RAD23B: variants seen among roughly 807,000 people sequenced by gnomAD.
The protein encoded by RAD23B is lysine-specific demethylase RAD23B.
Under a neutral mutation model 49.1 loss-of-function variants are expected in RAD23B, and 5 were observed. The ratio of observed to expected loss-of-function variants is 0.10; its 90% CI spans 0.05 to 0.21. The LOEUF (loss-of-function observed/expected upper bound fraction) is 0.21. RAD23B is among the 10% of genes least tolerant of loss of function. RAD23B has a pLI of 1.00. For missense variants in RAD23B, 356 were observed against 486.7 expected, an observed-to-expected ratio of 0.73 and a Z score of 2.53; for synonymous variants, 184 against 165.4, an observed-to-expected ratio of 1.11 and a Z score of -0.86.
In RAD23B at chr9:107,324,015, C is replaced by G. The variant is rs767388236; in HGVS notation, c.943C>G (p.Gln315Glu). 6.2e-7 allele frequency: 1 copy of G among 1,613,300 alleles called. No homozygotes were observed. Among genetic ancestry groups the G allele is most frequent in the Non-Finnish European group, 8.5e-7 (1 of 1,179,376 alleles). Residue 315 changes from glutamine to glutamate, a missense_variant and splice_region_variant, in exon 8 of 10, where the codon CAG (glutamine) becomes GAG (glutamate). By Grantham distance (29) the Gln-to-Glu change is conservative. Transcript: ENST00000358015. ...QIGRENPQLL[Q>E]QISQHQEHFI... is the part of the protein sequence containing the mutation. ...AGGTCGAGAGAATCCTCAATTACTT[C>G]AGGTGACTAATCAGTGTCAGTTTCA...
rs746491717 is a variant in RAD23B, at chr9:107,302,127, C to T, written c.228+13C>T. 2.5e-6 allele frequency: 4 copies of T among 1,611,078 alleles called. No homozygotes were observed. The highest frequency in any genetic ancestry group is 1.3e-5 in the African/African-American group (1 of 74,672). Reference sequence around the variant, plus strand: ...TATGGTGACCAAAGTAAGTTTCAACCTCATTCTGTATATCTTTATGCATGT... The same window carrying T: ...TATGGTGACCAAAGTAAGTTTCAACTTCATTCTGTATATCTTTATGCATGT... On this transcript the variant is annotated intron_variant, in intron 3 of 9. Transcript: ENST00000358015.
chr9:107,299,727 A>G lies in RAD23B; in HGVS notation c.67-414A>G, dbSNP rs759786579. Among the ~76,000 whole-genome samples, 8 of 152,352 alleles carry G rather than the reference A, an allele frequency of 5.3e-5. 1 individual carries two copies. The South Asian group carries it at 1.4e-3, about 28-fold the overall frequency. ...TAAAATGAATCATTTGCCTTTTAAC[A>G]TTCACAATTTAACCTTTAACATTGA... On this transcript the variant is annotated intron_variant, in intron 1 of 9. Transcript: ENST00000358015.
At position 107,283,349 on chromosome 9, in the gene RAD23B, C is replaced by T. The variant is rs1189070905; in HGVS notation, c.-281C>T. 12 of 420,020 alleles carry T rather than the reference C, an allele frequency of 2.9e-5. No homozygotes were observed. Among genetic ancestry groups the T allele is most frequent in the Non-Finnish European group, 5.0e-5 (12 of 241,070 alleles). The allele number at this position is 420,020 out of a possible 1,614,324, so 26.0% of individuals were successfully genotyped here. On this transcript the variant is annotated 5_prime_UTR_variant, in exon 1 of 10. Transcript: ENST00000358015. ...TCCCTGCTTGTCTCGCCGACCCCCT[C>T]GCGCCTTCTGCAGACTCCGTGGCTG...
chr9:107,313,660 T>C (rs1472227391), intron 5 of RAD23B, among the ~76,000 whole-genome samples: 1 of 152,240 alleles, frequency 6.6e-6, no homozygotes, highest in Non-Finnish European at 1.5e-5. Flanking sequence ...AAATTACAGC[T>C]GCAGTACAGA....
At position 107,324,971 on chromosome 9, in the gene RAD23B, A is replaced by G; in HGVS notation, c.1083A>G (p.Gln361=). ...GAAGTGGTCATATGAACTACATTCA[A>G]GTAACACCTCAGGAAAAAGAAGCTA... The part of the protein sequence containing the change: ...EAGSGHMNYI[Q]VTPQEKEAIE... Residue 361 remains glutamine (Q), a synonymous_variant, in exon 9 of 10, where the codon CAA becomes CAG. Coordinates refer to ENST00000358015, the MANE Select transcript of RAD23B (RefSeq NM_002874.5). The G allele has an allele frequency of 6.2e-7, 1 of 1,613,778 alleles. No individual in the cohort carries two copies.
At chr9:107,307,908 A>G (rs1318757107) in intron 4 of RAD23B, among the ~76,000 whole-genome samples, 3 of 152,200 alleles carry the variant, frequency 2.0e-5, no homozygotes, top group Non-Finnish European at 1.5e-5. Context: ...TCCCATGTAC[A>G]ACTAGAAATG....
intron 1 of RAD23B, among the ~76,000 whole-genome samples, chr9:107,298,812 CT>C (rs1554740931): frequency 7.5e-5 from 11 of 147,616 alleles, no homozygotes; most frequent in Non-Finnish European, 7.5e-5. Context: ...CACTGTTTTA[CT>C]TTTTTTTTTG....
intron 1 of RAD23B, among the ~76,000 whole-genome samples, chr9:107,289,778 A>G (rs1284421328): frequency 1.3e-5 from 2 of 152,228 alleles, no homozygotes; most frequent in African/African-American, 4.8e-5. Context: ...ACTTATTGGT[A>G]TATGGGTTTT....
intron 4 of RAD23B, among the ~76,000 whole-genome samples, chr9:107,310,280 A>G (rs1169435048): frequency 2.6e-5 from 4 of 152,212 alleles, no homozygotes; most frequent in African/African-American, 9.6e-5. Context: ...AATGGAGAAC[A>G]AGGAAACAAA....
chr9:107,313,957 C>T lies in RAD23B; in HGVS notation c.553+2220C>T, dbSNP rs547994270. Reference sequence around the variant, plus strand: ...TTCCTTTCTCCTTCCTTCCTCCTTCCCTTTCTTCCCCTCATTCCACAGTTA... The same window carrying T: ...TTCCTTTCTCCTTCCTTCCTCCTTCTCTTTCTTCCCCTCATTCCACAGTTA... On this transcript the variant is annotated intron_variant, in intron 5 of 9. Transcript: ENST00000358015. Among the ~76,000 whole-genome samples the T allele has an allele frequency of 2.6e-5, 4 of 151,986 alleles. No homozygotes were observed. In the East Asian group the frequency reaches 7.7e-4, roughly 29 times the overall value.
At chr9:107,306,069 ATATCTATATATC>A (rs1219844627) in intron 3 of RAD23B, among the ~76,000 whole-genome samples, 8,948 of 130,728 alleles carry the variant, frequency 0.068, 823 homozygotes, top group African/African-American at 0.18. Flanking sequence ...ATATATATAT[ATATCTATATATC>A]TATATATATT....
At chr9:107,319,013 A>G (rs927705208) in intron 6 of RAD23B, 134 bp downstream of exon 6, 2 of 822,292 alleles carry the variant, frequency 2.4e-6, no homozygotes, top group African/African-American at 1.8e-5. Context: ...TTTTTCTAGT[A>G]TGTTTGTATT....
At chr9:107,287,089 A>C (rs1564238285) in intron 1 of RAD23B, among the ~76,000 whole-genome samples, 1 of 151,814 alleles carries the variant, frequency 6.6e-6, no homozygotes. Context: ...AAAAAAAAAA[A>C]AAATTCTGAA....
intron 5 of RAD23B, among the ~76,000 whole-genome samples, chr9:107,317,493 A>G (rs1021173714): frequency 6.6e-6 from 1 of 152,070 alleles, no homozygotes; most frequent in African/African-American, 2.4e-5. Flanking sequence ...TTCAATAGCT[A>G]TGGCTGTGAT....
At chr9:107,292,530 A>G (rs961555177) in intron 1 of RAD23B, among the ~76,000 whole-genome samples, 8 of 152,060 alleles carry the variant, frequency 5.3e-5, no homozygotes, top group African/African-American at 1.9e-4. Context: ...AATACAAAAA[A>G]TTAGCTAGGT....
intron 4 of RAD23B, among the ~76,000 whole-genome samples, chr9:107,308,204 TCTTCATTAA>T (rs1176087589): frequency 5.1e-5 from 7 of 138,538 alleles, no homozygotes; most frequent in Non-Finnish European, 3.0e-5. Context: ...TAAATTTCTT[TCTTCATTAA>T]CTCCATTTTT....
At chr9:107,316,545 A>G (rs1249505025) in intron 5 of RAD23B, among the ~76,000 whole-genome samples, 3 of 152,202 alleles carry the variant, frequency 2.0e-5, no homozygotes, top group Non-Finnish European at 4.4e-5. Context: ...CTCGAATTAT[A>G]TCAGTAGATA....
At chr9:107,316,096 G>A (rs946634090) in intron 5 of RAD23B, among the ~76,000 whole-genome samples, 3 of 151,586 alleles carry the variant, frequency 2.0e-5, no homozygotes, top group Non-Finnish European at 2.9e-5. Context: ...TGCAATCTCC[G>A]CCTCCGGGGT....
At chr9:107,285,565 G>A (rs868027184) in intron 1 of RAD23B, among the ~76,000 whole-genome samples, 1 of 152,194 alleles carries the variant, frequency 6.6e-6, no homozygotes, top group Non-Finnish European at 1.5e-5. Context: ...ACTGTTAACT[G>A]AGAGTCAATG....
Sources: gnomAD v4.1 joint callset for allele counts (sites outside exome capture counted in the v4.1 genomes callset) on GRCh38, gnomAD v4.1.1 for gene constraint, MANE v1.5 for transcripts, NCBI Gene and HGNC (gene_info 2026-07-23, HGNC 2026-07-21) for gene names.